The following JAZF1 variants were observed in gnomAD, a reference collection of about 807,000 sequenced individuals.
JAZF1 encodes the protein juxtaposed with another zinc finger protein 1.
A neutral mutation model predicts 26.4 loss-of-function variants in JAZF1; 8 were observed. That is an observed-to-expected ratio of 0.30 (90% CI 0.18 to 0.55). The LOEUF (loss-of-function observed/expected upper bound fraction) is 0.55, where lower values mean the gene tolerates loss of function less well. JAZF1 is among the 20% of genes least tolerant of loss of function. The pLI is 0.94. For missense variants in JAZF1, 199 were observed against 322.0 expected (o/e 0.62, Z 2.92); for synonymous variants, 126 against 122.3 (o/e 1.03, Z -0.20).
chr7:28,076,962 T>A (rs1424658572), intron 1 of JAZF1, among the ~76,000 whole-genome samples: 1 of 152,156 alleles, frequency 6.6e-6, no homozygotes, highest in Non-Finnish European at 1.5e-5. Flanking sequence ...GAGATCTTAG[T>A]GTGTAGACGA....
In JAZF1 at chr7:27,998,071, A is replaced by AAGGAAGGCAGGCAGGC. The variant is rs10691690; in HGVS notation, c.116-6091_116-6090insGCCTGCCTGCCTTCCT. Among the ~76,000 whole-genome samples, 903 of 111,440 alleles carry AAGGAAGGCAGGCAGGC rather than the reference A, an allele frequency of 8.1e-3. 7 individuals carry two copies. Among genetic ancestry groups the AAGGAAGGCAGGCAGGC allele is most frequent in the Middle Eastern group, 0.013 (3 of 240 alleles). 73.1% of individuals were successfully genotyped at this position (111,440 alleles called of 152,430 possible). On this transcript the variant is annotated intron_variant, in intron 1 of 4. Coordinates refer to ENST00000283928, the MANE Select transcript of JAZF1 (RefSeq NM_175061.4). Reference sequence around the variant, plus strand: ...GAAGGAAGGAAGGAAGGAAGGAAGGAAGGCAGGCAGGCAGGCAGGCAGGCA... The same window carrying AAGGAAGGCAGGCAGGC: ...GAAGGAAGGAAGGAAGGAAGGAAGGAAGGAAGGCAGGCAGGCAGGCAGGCAGGCAGGCAGGCAGGCA...
chr7:27,973,226 A>AT (rs1785410721), intron 2 of JAZF1, among the ~76,000 whole-genome samples: 1 of 152,062 alleles, frequency 6.6e-6, no homozygotes, highest in South Asian at 2.1e-4. Context: ...TAATGTTATG[A>AT]TTTTTTAAAT....
chr7:27,893,701 G>T (rs1020782588), intron 3 of JAZF1, among the ~76,000 whole-genome samples: 1 of 152,186 alleles, frequency 6.6e-6, no homozygotes, highest in Non-Finnish European at 1.5e-5. Context: ...TTTGCGTATT[G>T]ATTTGATTAG....
intron 1 of JAZF1, among the ~76,000 whole-genome samples, chr7:28,117,066 CA>C (rs1438477486): frequency 6.6e-6 from 1 of 152,168 alleles, no homozygotes; most frequent in Non-Finnish European, 1.5e-5. Context: ...TCAGATGATC[CA>C]CCCGCCTTGG....
chr7:27,977,948 C>G (rs1338032318), intron 2 of JAZF1, among the ~76,000 whole-genome samples: 1 of 152,132 alleles, frequency 6.6e-6, no homozygotes, highest in Non-Finnish European at 1.5e-5. Flanking sequence ...TTGTCTAGAG[C>G]CTGAAAACCA....
intron 3 of JAZF1, among the ~76,000 whole-genome samples, chr7:27,856,843 A>T (rs1194847965): frequency 6.6e-6 from 1 of 152,242 alleles, no homozygotes; most frequent in East Asian, 1.9e-4. Context: ...TGATTGGTGC[A>T]TTCACAAACC....
chr7:28,145,605 A>G (rs1000521844), intron 1 of JAZF1, among the ~76,000 whole-genome samples: 1 of 152,196 alleles, frequency 6.6e-6, no homozygotes, highest in African/African-American at 2.4e-5. Flanking sequence ...GCTTTCTCAT[A>G]TCACTTAACA....
chr7:27,941,960 C>T (rs1050075501), intron 2 of JAZF1, among the ~76,000 whole-genome samples: 1 of 152,124 alleles, frequency 6.6e-6, no homozygotes, highest in Non-Finnish European at 1.5e-5. Flanking sequence ...GAATCAGATC[C>T]GAGTTCAAAT....
Position 28,109,054 on chromosome 7 carries a change from G to A in JAZF1, c.115+71409C>T, listed in dbSNP as rs534238057. Among the ~76,000 whole-genome samples, 21 of 152,280 alleles carry A rather than the reference G, an allele frequency of 1.4e-4. No homozygotes were observed. In the East Asian group the frequency reaches 4.0e-3, roughly 29 times the overall value. On this transcript the variant is annotated intron_variant, in intron 1 of 4. Coordinates refer to ENST00000283928, the MANE Select transcript of JAZF1 (RefSeq NM_175061.4). ...ATGGTGGTTGCCAGGGGCTGGGGGT[G>A]GATGGCTGGAGGAGGAATAGGAAGC... is the stretch of plus-strand genomic sequence containing the variant.
intron 1 of JAZF1, among the ~76,000 whole-genome samples, chr7:28,154,878 C>T (rs1783157177): frequency 6.6e-6 from 1 of 151,006 alleles, no homozygotes; most frequent in South Asian, 2.1e-4. Flanking sequence ...GGCCTTTTCT[C>T]CTAAAAACAA....
intron 1 of JAZF1, among the ~76,000 whole-genome samples, chr7:28,015,452 G>A (rs985198044): frequency 1.3e-5 from 2 of 151,964 alleles, no homozygotes; most frequent in Non-Finnish European, 2.9e-5. Flanking sequence ...ACTCGGCATG[G>A]GAATATATAA....
At chr7:27,929,391 T>C (rs1784650909) in intron 2 of JAZF1, among the ~76,000 whole-genome samples, 2 of 152,190 alleles carry the variant, frequency 1.3e-5, no homozygotes, top group African/African-American at 4.8e-5. Context: ...CCAGCAGACC[T>C]GTGGAGGAGA....
chr7:27,852,677 C>T (rs757177381), intron 3 of JAZF1, among the ~76,000 whole-genome samples: 3 of 152,134 alleles, frequency 2.0e-5, no homozygotes, highest in South Asian at 2.1e-4. Context: ...ATCTGCTAAA[C>T]GAGATGGAGA....
At chr7:28,002,471 C>A (rs1782619909) in intron 1 of JAZF1, among the ~76,000 whole-genome samples, 1 of 152,190 alleles carries the variant, frequency 6.6e-6, no homozygotes, top group South Asian at 2.1e-4. Flanking sequence ...TCAATCCTAG[C>A]TGTCTAACTT....
At chr7:27,956,776 C>T (rs867501042) in intron 2 of JAZF1, among the ~76,000 whole-genome samples, 8 of 152,132 alleles carry the variant, frequency 5.3e-5, no homozygotes, top group South Asian at 2.1e-4. Context: ...ACAGCCAGTC[C>T]GGGCTGCTGA....
chr7:27,882,347 A>T (rs1445839391), intron 3 of JAZF1, among the ~76,000 whole-genome samples: 2 of 152,076 alleles, frequency 1.3e-5, no homozygotes, highest in Admixed American at 6.6e-5. Flanking sequence ...ACAAAAACTT[A>T]TTCAGCCTAG....
At chr7:27,969,679 C>T (rs974912673) in intron 2 of JAZF1, among the ~76,000 whole-genome samples, 1 of 152,172 alleles carries the variant, frequency 6.6e-6, no homozygotes, top group African/African-American at 2.4e-5. Flanking sequence ...ACATAAAATA[C>T]AAGCTAGCAC....
intron 1 of JAZF1, among the ~76,000 whole-genome samples, chr7:28,093,969 T>TC (rs1375624281): frequency 6.6e-6 from 1 of 152,212 alleles, no homozygotes; most frequent in African/African-American, 2.4e-5. Flanking sequence ...TCTTCAGTAT[T>TC]CCATATATTC....
At chr7:28,064,341 C>T (rs936904951) in intron 1 of JAZF1, among the ~76,000 whole-genome samples, 8 of 151,968 alleles carry the variant, frequency 5.3e-5, no homozygotes, top group African/African-American at 1.7e-4. Flanking sequence ...ATGTAAAAAT[C>T]GTATATAAGC....
Sources: gnomAD v4.1 joint callset for allele counts (sites outside exome capture counted in the v4.1 genomes callset) on GRCh38, gnomAD v4.1.1 for gene constraint, MANE v1.5 for transcripts, NCBI Gene and HGNC (gene_info 2026-07-23, HGNC 2026-07-21) for gene names.